Variants in DOCK7 observed in about 807,000 individuals in gnomAD.
DOCK7 encodes the protein dedicator of cytokinesis protein 7.
A neutral mutation model predicts 271.0 loss-of-function variants in DOCK7; 138 were observed. That is an observed-to-expected ratio of 0.51 (90% CI 0.44 to 0.59). The LOEUF (loss-of-function observed/expected upper bound fraction) is 0.59. DOCK7 is among the 20% of genes least tolerant of loss of function. The pLI is 0.00. For missense variants in DOCK7, 2,066 were observed against 2,592.4 expected (o/e 0.80, Z 4.41); for synonymous variants, 823 against 876.1 (o/e 0.94, Z 1.07).
In DOCK7 at chr1:62,473,975, T is replaced by A. The variant is rs1274019373; in HGVS notation, c.6212+7A>T. ...TTGAAGATCTTTACGCAGAAAGCCTTGAATACCTTTTAGTAAAATCTTTAA... is the reference window on the plus strand; with the variant it reads ...TTGAAGATCTTTACGCAGAAAGCCTAGAATACCTTTTAGTAAAATCTTTAA... On this transcript the variant is annotated splice_region_variant and intron_variant, in intron 48 of 49. Transcript: ENST00000635253. 1.2e-6 allele frequency: 2 copies of A among 1,610,710 alleles called. No individual in the cohort carries two copies. The highest frequency in any genetic ancestry group is 1.7e-6 in the Non-Finnish European group (2 of 1,177,276).
intron 16 of DOCK7, among the ~76,000 whole-genome samples, chr1:62,582,869 A>C (rs1647179703): frequency 6.6e-6 from 1 of 152,200 alleles, no homozygotes; most frequent in African/African-American, 2.4e-5. Flanking sequence ...GTAAAGGGTA[A>C]AGTTACTACA....
intron 1 of DOCK7, among the ~76,000 whole-genome samples, chr1:62,663,846 C>A (rs1341520362): frequency 2.0e-5 from 3 of 152,138 alleles, no homozygotes; most frequent in Non-Finnish European, 2.9e-5. Context: ...ATTAGCTCAA[C>A]CTTTTTCAAG....
chr1:62,573,065 G>A (rs1263057954), intron 18 of DOCK7, among the ~76,000 whole-genome samples: 1 of 152,102 alleles, frequency 6.6e-6, no homozygotes, highest in Non-Finnish European at 1.5e-5. Flanking sequence ...AAATAAAACA[G>A]AATTAAAAAG....
intron 47 of DOCK7, 84 bp from the exon 48 acceptor site, chr1:62,474,172 G>T: frequency 8.8e-7 from 1 of 1,132,192 alleles, no homozygotes; most frequent in Non-Finnish European, 1.3e-6. Flanking sequence ...ATTTTTCTTA[G>T]CTCTGAGATG....
chr1:62,618,801 A>C lies in DOCK7; in HGVS notation c.1587T>G (p.Leu529=). ...NPHYCLTPEL[L]QVKLYPDSRV... ...TACTGTCAGGGTAAAGCTTCACTTGAAGCAGCTCCGGAGTTAGGCAATAAT... is the reference window on the plus strand; with the variant it reads ...TACTGTCAGGGTAAAGCTTCACTTGCAGCAGCTCCGGAGTTAGGCAATAAT... Residue 529 remains leucine, a synonymous_variant, in exon 14 of 50, where the codon CTT becomes CTG. Transcript: ENST00000635253. 2 of 1,613,840 alleles carry C rather than the reference A, an allele frequency of 1.2e-6. No individual in the cohort carries two copies. The highest frequency in any genetic ancestry group is 1.7e-6 in the Non-Finnish European group (2 of 1,179,734).
chr1:62,499,982 T>C (rs952538295), intron 37 of DOCK7, among the ~76,000 whole-genome samples: 8 of 150,268 alleles, frequency 5.3e-5, no homozygotes, highest in Non-Finnish European at 7.4e-5. Flanking sequence ...TGGACAGAGA[T>C]GGATCATCCA....
intron 31 of DOCK7, among the ~76,000 whole-genome samples, chr1:62,514,609 C>T (rs534179338): frequency 1.4e-4 from 22 of 151,772 alleles, no homozygotes; most frequent in Admixed American, 3.3e-4. Context: ...CCAAGCAGGT[C>T]GTATCATCCC....
Position 62,583,079 on chromosome 1 carries a change from T to C in DOCK7, c.1871+105A>G. 4.6e-6 allele frequency: 4 copies of C among 864,334 alleles called. No individual in the cohort carries two copies. The South Asian group carries it at 5.7e-5, about 12-fold the overall frequency. The allele number at this position is 864,334 out of a possible 1,614,324, so 53.5% of individuals were successfully genotyped here. On this transcript the variant is annotated intron_variant, in intron 16 of 49. Coordinates refer to ENST00000635253, the MANE Select transcript of DOCK7 (RefSeq NM_001367561.1). ...TATAACTCTGATGTCAGCCTTGAAT[T>C]TGGCACATTTAGTGCAGCAAAGCAT...
intron 10 of DOCK7, 151 bp from the exon 11 acceptor site, chr1:62,631,556 T>C (rs930292650): frequency 1.6e-6 from 1 of 635,832 alleles, no homozygotes; most frequent in Non-Finnish European, 2.6e-6. Context: ...GAAGTATTAG[T>C]GCAATATCTT....
intron 27 of DOCK7, among the ~76,000 whole-genome samples, chr1:62,539,267 T>C (rs1382038862): frequency 1.3e-5 from 2 of 152,196 alleles, no homozygotes; most frequent in Non-Finnish European, 2.9e-5. Context: ...ACTGACTTGA[T>C]AGTATGATCC....
At chr1:62,659,468 G>C (rs1186080688) in intron 2 of DOCK7, among the ~76,000 whole-genome samples, 1 of 151,422 alleles carries the variant, frequency 6.6e-6, no homozygotes, top group African/African-American at 2.4e-5. Context: ...CCCCAGAGAA[G>C]TAGAAAAAAA....
chr1:62,488,939 G>T lies in DOCK7; in HGVS notation c.5488C>A (p.His1830Asn). The T allele has an allele frequency of 1.2e-6, 2 of 1,613,596 alleles. No homozygotes were observed. Among genetic ancestry groups the T allele is most frequent in the South Asian group, 1.1e-5 (1 of 90,976 alleles). ...KLQEAFSKIV[H>N]QSTGWERMFG... ...CTAGAAATTGGAATCATTACCTGATGAACAATTTTGCTGAATGCTTCTTGA... is the reference window on the plus strand; with the variant it reads ...CTAGAAATTGGAATCATTACCTGATTAACAATTTTGCTGAATGCTTCTTGA... The change falls in exon 42 of 50, where the codon CAT becomes AAT. Residue 1830 changes from histidine (H) to asparagine (N), a missense_variant. His to Asn is a moderately conservative substitution (Grantham distance 68). Around this residue, in one of 2 missense-constraint regions of DOCK7, gnomAD observed 652 missense variants for 922.1 expected, o/e 0.71. Coordinates refer to ENST00000635253, the MANE Select transcript of DOCK7 (RefSeq NM_001367561.1).
chr1:62,578,907 T>A lies in DOCK7; in HGVS notation c.1931A>T (p.His644Leu). The change falls in exon 17 of 50, where the codon CAT (histidine) becomes CTT (leucine). Residue 644 changes from histidine to leucine, a missense_variant. By Grantham distance (99) the His-to-Leu change is moderately conservative. This residue lies in a region of DOCK7 where 1,414 missense variants were observed against 1,670.4 expected (regional missense o/e 0.85). Transcript: ENST00000635253. ...ATGATAAAAAGTAAAAAGCAAGTGA[T>A]GATGGTCAGTTAAAGTAGCAGGAAG... Reference protein sequence around the residue: ...VKLPATLTDHHHLLFTFYHVS... With the variant: ...VKLPATLTDHLHLLFTFYHVS... 1 of 1,608,560 alleles carries A rather than the reference T, an allele frequency of 6.2e-7. No homozygotes were observed. The highest frequency in any genetic ancestry group is 8.5e-7 in the Non-Finnish European group (1 of 1,178,164).
rs749043362 is a variant in DOCK7 at position 62,636,527 on chromosome 1, A to G, written c.885+10T>C. The G allele has an allele frequency of 6.3e-7, 1 of 1,583,758 alleles. No homozygotes were observed. Among genetic ancestry groups the G allele is most frequent in the Admixed American group, 1.7e-5 (1 of 57,372 alleles). Reference sequence around the variant, plus strand: ...TGACAAATAACTATGGTCAAATTATATAATCTTACCTTTTTCTTTTCCTTG... The same window carrying G: ...TGACAAATAACTATGGTCAAATTATGTAATCTTACCTTTTTCTTTTCCTTG... On this transcript the variant is annotated intron_variant, in intron 8 of 49. Transcript: ENST00000635253.
intron 1 of DOCK7, among the ~76,000 whole-genome samples, chr1:62,677,528 T>C (rs1460457884): frequency 6.6e-6 from 1 of 151,874 alleles, no homozygotes; most frequent in Non-Finnish European, 1.5e-5. Context: ...TAATCTGATC[T>C]GTCACTTGCA....
At chr1:62,519,712 G>T (rs1437835437) in intron 31 of DOCK7, among the ~76,000 whole-genome samples, 2 of 152,206 alleles carry the variant, frequency 1.3e-5, no homozygotes, top group African/African-American at 4.8e-5. Flanking sequence ...GAGAGAAGAT[G>T]AAACCATTTG....
At chr1:62,511,482 A>G (rs1017743313) in intron 33 of DOCK7, 1 of 152,202 alleles carries the variant, frequency 6.6e-6, no homozygotes, top group African/African-American at 2.4e-5. Flanking sequence ...TGGAAAAGGT[A>G]AGACTTTAAA....
intron 2 of DOCK7, among the ~76,000 whole-genome samples, chr1:62,655,870 T>C (rs1657959878): frequency 3.3e-5 from 5 of 152,354 alleles, no homozygotes; most frequent in East Asian, 1.9e-4. Flanking sequence ...ATAATTACTA[T>C]TTCAATTCTA....
At chr1:62,483,588 T>A (rs1481026929) in intron 43 of DOCK7, 1 of 148,128 alleles carries the variant, frequency 6.8e-6, no homozygotes. Context: ...TCTGATTTCT[T>A]TTTTTTTTTT....
Sources: allele counts gnomAD v4.1 joint callset (sites outside exome capture counted in the v4.1 genomes callset), GRCh38; gene constraint gnomAD v4.1.1; regional missense constraint gnomAD v4.1.1; transcripts MANE v1.5; gene names NCBI Gene and HGNC (gene_info 2026-07-23, HGNC 2026-07-21).